The following NAT9 variants were observed in gnomAD, a reference collection of about 807,000 sequenced individuals.
NAT9 encodes N-acetyltransferase 9, also known as alpha/beta-tubulin-N-acetyltransferase 9.
Under a neutral mutation model 24.0 loss-of-function variants are expected in NAT9, and 18 were observed. The ratio of observed to expected loss-of-function variants is 0.75; its 90% CI spans 0.52 to 1.11. NAT9 has a LOEUF of 1.11. NAT9 is among the 50% of genes most tolerant of loss of function. The pLI, the probability that NAT9 is intolerant of heterozygous loss-of-function variation, is 0.00. For missense variants in NAT9, 254 were observed against 258.6 expected (o/e 0.98, Z 0.12); for synonymous variants, 104 against 102.3 (o/e 1.02, Z -0.10).
Position 74,771,498 on chromosome 17 carries a change from G to A in NAT9, c.*226C>T, listed in dbSNP as rs1276583793. ...TCCAGCTTCCTAGAGTCTGGGTCTG[G>A]GTTTGGCCGGGAGGGGAGAAGGGAA... On this transcript the variant is annotated 3_prime_UTR_variant, in exon 7 of 7. Transcript: ENST00000357814. The A allele has an allele frequency of 4.6e-6, 3 of 647,998 alleles. No homozygotes were observed. Among genetic ancestry groups the A allele is most frequent in the Non-Finnish European group, 7.8e-6 (3 of 385,938 alleles). 40.1% of individuals were successfully genotyped at this position (647,998 alleles called of 1,614,324 possible). A position where few individuals can be genotyped will look rare whatever the true frequency, so the allele number is the denominator to read the frequency against.
chr17:74,771,562 G>A lies in NAT9; in HGVS notation c.*162C>T. The A allele has an allele frequency of 2.6e-6, 3 of 1,150,570 alleles. No individual in the cohort carries two copies. The highest frequency in any genetic ancestry group is 3.6e-6 in the Non-Finnish European group (3 of 828,846). The allele number at this position is 1,150,570 out of a possible 1,614,324, so 71.3% of individuals were successfully genotyped here. A position where few individuals can be genotyped will look rare whatever the true frequency, so the allele number is the denominator to read the frequency against. On this transcript the variant is annotated 3_prime_UTR_variant, in exon 7 of 7. Coordinates refer to ENST00000357814, the MANE Select transcript of NAT9 (RefSeq NM_015654.5). Reference sequence around the variant, plus strand: ...TGGAGTCTGCTCAGCCACACCACTAGCTGGAGGGAGGCCACAGCAAGCCCC... The same window carrying A: ...TGGAGTCTGCTCAGCCACACCACTAACTGGAGGGAGGCCACAGCAAGCCCC...
intron 1 of NAT9, chr17:74,775,960 C>T (rs955740530): frequency 4.8e-6 from 2 of 418,850 alleles, no homozygotes; most frequent in Non-Finnish European, 8.6e-6. Context: ...TCCGTCCACT[C>T]CCCAGAACTT....
chr17:74,773,789 A>C, intron 2 of NAT9, 101 bp from the exon 3 acceptor site: 15 of 972,846 alleles, frequency 1.5e-5, no homozygotes, highest in Middle Eastern at 2.1e-4. Context: ...CATAGGGCTC[A>C]AAGAAGACCC....
chr17:74,773,579 C>A lies in NAT9; in HGVS notation c.187G>T (p.Asp63Tyr). 2 of 1,613,844 alleles carry A rather than the reference C, an allele frequency of 1.2e-6. No homozygotes were observed. Among genetic ancestry groups the A allele is most frequent in the Non-Finnish European group, 1.7e-6 (2 of 1,179,880 alleles). The change falls in exon 3 of 7, where the codon GAC (aspartate) becomes TAC (tyrosine). Residue 63 changes from aspartate (D) to tyrosine (Y), a missense_variant. Physicochemically the swap from Asp to Tyr is radical, Grantham distance 160. Transcript: ENST00000357814. ...GAAGTGGGGGGGCACTCCTCACTGT[C>A]TGCATCTTCCTGCCAGCTGCACTGC... is the stretch of plus-strand genomic sequence containing the variant. ...AMQCSWQEDA[D>Y]KCTFIVLDAE...
At chr17:74,773,768 G>T in intron 2 of NAT9, 80 bp from the exon 3 acceptor site, 1 of 1,226,400 alleles carries the variant, frequency 8.2e-7, no homozygotes, top group Non-Finnish European at 1.2e-6. Context: ...TCCAGAACCA[G>T]ACAGGGCTAA....
chr17:74,774,832 G>A (rs990150444), intron 2 of NAT9, among the ~76,000 whole-genome samples: 5 of 151,764 alleles, frequency 3.3e-5, no homozygotes, highest in Non-Finnish European at 1.5e-5. Context: ...TTACAGGCGT[G>A]AGCCACTGCG....
intron 3 of NAT9, 38 bp from the exon 4 acceptor site, chr17:74,773,077 C>A: frequency 6.2e-7 from 1 of 1,607,268 alleles, no homozygotes. Context: ...ACACACTCCC[C>A]AGAGGAGAGA....
chr17:74,773,212 ACAGAAAAAG>A lies in NAT9; in HGVS notation c.191-182_191-174del, dbSNP rs2035480680. 4.8e-6 allele frequency: 4 copies of A among 829,972 alleles called. No individual in the cohort carries two copies. In the South Asian group the frequency reaches 5.5e-5, roughly 11 times the overall value. The allele number at this position is 829,972 out of a possible 1,614,324, so 51.4% of individuals were successfully genotyped here. A position where few individuals can be genotyped will look rare whatever the true frequency, so the allele number is the denominator to read the frequency against. ...TTACAAAATTCCAAATCTGCCTCAT[ACAGAAAAAG>A]CCTCTCCAACCAGCAACCAAATTCT... On this transcript the variant is annotated intron_variant, in intron 3 of 6. Transcript: ENST00000357814.
chr17:74,773,530 GC>G, intron 3 of NAT9, 45 bp downstream of exon 3: 1 of 1,515,762 alleles, frequency 6.6e-7, no homozygotes, highest in African/African-American at 1.4e-5. Flanking sequence ...TGTGGAGTCA[GC>G]CCTCCCAGTA....
At chr17:74,772,501 T>C in intron 4 of NAT9, 1 of 1,425,112 alleles carries the variant, frequency 7.0e-7, no homozygotes, top group Non-Finnish European at 9.1e-7. Context: ...GTCAGTATGC[T>C]GCCTCATGGG....
rs772232484 is a variant in NAT9 at position 74,770,916 on chromosome 17, G to A, written c.*808C>T. ...CCACTGCCCCCGCGTGGCCAGTCAG[G>A]TGCAGCTGCTCCCAGAGATGGAGGG... On this transcript the variant is annotated 3_prime_UTR_variant, in exon 7 of 7. Coordinates refer to ENST00000357814, the MANE Select transcript of NAT9 (RefSeq NM_015654.5). 6.6e-6 allele frequency: 1 copy of A among 152,270 alleles called. No homozygotes were observed. The highest frequency in any genetic ancestry group is 1.5e-5 in the Non-Finnish European group (1 of 68,114). The allele number at this position is 152,270 out of a possible 1,614,324, so 9.4% of individuals were successfully genotyped here. A position where few individuals can be genotyped will look rare whatever the true frequency, so the allele number is the denominator to read the frequency against.
rs2035111228 is a variant in NAT9, at chr17:74,770,673, A to G, written c.*1051T>C. On this transcript the variant is annotated 3_prime_UTR_variant, in exon 7 of 7. Transcript: ENST00000357814. ...TTAGGCAAGTCACCTTACTTATCTA[A>G]GACTGTTTCCCCACCTGGAAGATGC... is the stretch of plus-strand genomic sequence containing the variant. The G allele has an allele frequency of 6.6e-6, 1 of 152,226 alleles. No individual in the cohort carries two copies. The allele number at this position is 152,226 out of a possible 1,614,324, so 9.4% of individuals were successfully genotyped here.
rs2035205622 is a variant in NAT9 at position 74,771,578 on chromosome 17, A to G, written c.*146T>C. On this transcript the variant is annotated 3_prime_UTR_variant, in exon 7 of 7. Transcript: ENST00000357814. ...ACACCACTAGCTGGAGGGAGGCCAC[A>G]GCAAGCCCCGCCAGAGTCTGAAGGG... is the stretch of plus-strand genomic sequence containing the variant. 4.6e-6 allele frequency: 6 copies of G among 1,308,130 alleles called. No homozygotes were observed. The Admixed American group carries it at 7.1e-5, about 15-fold the overall frequency. 81.0% of individuals were successfully genotyped at this position (1,308,130 alleles called of 1,614,324 possible).
At position 74,771,146 on chromosome 17, in the gene NAT9, G is replaced by T; in HGVS notation, c.*578C>A. The T allele has an allele frequency of 6.2e-6, 1 of 161,286 alleles. No homozygotes were observed. The highest frequency in any genetic ancestry group is 1.4e-5 in the Non-Finnish European group (1 of 72,296). The allele number at this position is 161,286 out of a possible 1,614,324, so 10.0% of individuals were successfully genotyped here. On this transcript the variant is annotated 3_prime_UTR_variant, in exon 7 of 7. Coordinates refer to ENST00000357814, the MANE Select transcript of NAT9 (RefSeq NM_015654.5). ...CCAGGAGAGAGGAGGACGGACACTA[G>T]GTTGAGGGGCCAGGCCACACTCACT...
At chr17:74,773,921 G>C (rs1030204918) in intron 2 of NAT9, 2 of 483,284 alleles carry the variant, frequency 4.1e-6, no homozygotes, top group Middle Eastern at 5.9e-4. Flanking sequence ...CCTGTCTCGG[G>C]TCAGTGCGGA....
Position 74,770,535 on chromosome 17 carries a change from G to T in NAT9, c.*1189C>A, listed in dbSNP as rs2035095287. The T allele has an allele frequency of 6.6e-6, 1 of 152,218 alleles. No homozygotes were observed. Among genetic ancestry groups the T allele is most frequent in the Non-Finnish European group, 1.5e-5 (1 of 68,038 alleles). 9.4% of individuals were successfully genotyped at this position (152,218 alleles called of 1,614,324 possible). On this transcript the variant is annotated 3_prime_UTR_variant, in exon 7 of 7. Transcript: ENST00000357814. The stretch of plus-strand genomic sequence containing the variant: ...TACACATGGTACGAAGGGAGCCACG[G>T]CAAGCAACGCGTTCGTTTTATAATG...
intron 3 of NAT9, 60 bp downstream of exon 3, chr17:74,773,516 T>A: frequency 7.0e-7 from 1 of 1,433,478 alleles, no homozygotes; most frequent in East Asian, 2.3e-5. Context: ...ACCTGGAGAC[T>A]GACTGTGGAG....
rs549295494 is a variant in NAT9, at chr17:74,772,197, T to C, written c.394+21A>G. 6.7e-4 allele frequency: 1,076 copies of C among 1,614,208 alleles called. 13 individuals carry two copies. In the South Asian group the frequency reaches 0.011, roughly 16 times the overall value. On this transcript the variant is annotated intron_variant, in intron 5 of 6. Transcript: ENST00000357814. ...CCTGGGGCCTGCCCACTTCCCGCAT[T>C]GTCTGCTCACACTTTCTTACCGTAA...
Position 74,771,731 on chromosome 17 carries a change from G to C in NAT9, c.617C>G (p.Pro206Arg). Residue 206 changes from proline (P) to arginine (R), a missense_variant, in exon 7 of 7, where the codon CCC (proline) becomes CGC (arginine). Transcript: ENST00000357814. ...GCCCACAAGGCCCAGCCATCAGCAG[G>C]GCTCTGCCGACCCATCTCTGTAAGG... ...EKPYRDGSAEPC is the reference protein window; with the variant it reads ...EKPYRDGSAERC 1.2e-6 allele frequency: 2 copies of C among 1,613,696 alleles called. No individual in the cohort carries two copies. Among genetic ancestry groups the C allele is most frequent in the Non-Finnish European group, 1.7e-6 (2 of 1,180,038 alleles).
Sources: allele counts gnomAD v4.1 joint callset (sites outside exome capture counted in the v4.1 genomes callset), GRCh38; gene constraint gnomAD v4.1.1; transcripts MANE v1.5; gene names NCBI Gene and HGNC (gene_info 2026-07-23, HGNC 2026-07-21).